CCDC102B: variants seen among roughly 807,000 people sequenced by gnomAD.
The protein encoded by CCDC102B is coiled-coil domain-containing protein 102B.
A neutral mutation model predicts 57.4 loss-of-function variants in CCDC102B; 75 were observed. The ratio of observed to expected loss-of-function variants is 1.31; its 90% CI spans 1.08 to 1.58. CCDC102B has a LOEUF of 1.58. Among genes scored for constraint, CCDC102B ranks in the 40% most tolerant of loss-of-function variants. The pLI is 0.00. For missense variants in CCDC102B, 636 were observed against 582.6 expected, an observed-to-expected ratio of 1.09 and a Z score of -0.94; for synonymous variants, 206 against 201.9, an observed-to-expected ratio of 1.02 and a Z score of -0.17.
chr18:68,976,241 TAA>T (rs1209329521), intron 6 of CCDC102B, among the ~76,000 whole-genome samples: 5 of 152,134 alleles, frequency 3.3e-5, no homozygotes, highest in Admixed American at 6.6e-5. Flanking sequence ...TCATAAATCT[TAA>T]GTGTCAATAT....
chr18:68,745,501 A>T (rs1363889572), intron 2 of CCDC102B, among the ~76,000 whole-genome samples: 2 of 152,146 alleles, frequency 1.3e-5, no homozygotes, highest in Non-Finnish European at 2.9e-5. Context: ...TATGAGATAC[A>T]TAGTGATGTT....
At chr18:68,767,289 T>G (rs1411491428) in intron 2 of CCDC102B, among the ~76,000 whole-genome samples, 1 of 152,196 alleles carries the variant, frequency 6.6e-6, no homozygotes, top group African/African-American at 2.4e-5. Flanking sequence ...TAATTAATCT[T>G]AAATGAAGTC....
chr18:68,861,038 G>C (rs1405207119), intron 4 of CCDC102B, among the ~76,000 whole-genome samples: 1 of 149,472 alleles, frequency 6.7e-6, no homozygotes, highest in African/African-American at 2.5e-5. Context: ...ACTATTAGCT[G>C]TCTGACTCTA....
chr18:69,039,328 A>G (rs1230287874), intron 7 of CCDC102B, among the ~76,000 whole-genome samples: 1 of 151,948 alleles, frequency 6.6e-6, no homozygotes, highest in Non-Finnish European at 1.5e-5. Context: ...CATTTTTTCC[A>G]AAGTTATTTT....
intron 6 of CCDC102B, 32 bp from the exon 7 acceptor site, chr18:69,010,902 T>C: frequency 2.6e-6 from 4 of 1,518,144 alleles, no homozygotes; most frequent in Non-Finnish European, 3.6e-6. Flanking sequence ...GAATAGACTA[T>C]AAATAATGTA....
At chr18:68,791,313 A>G (rs376483933) in intron 2 of CCDC102B, among the ~76,000 whole-genome samples, 2 of 152,216 alleles carry the variant, frequency 1.3e-5, no homozygotes, top group East Asian at 1.9e-4. Flanking sequence ...GCAATTTAAT[A>G]TAGTTCCTGA....
intron 6 of CCDC102B, among the ~76,000 whole-genome samples, chr18:68,976,889 T>C (rs1240622130): frequency 6.6e-6 from 1 of 152,022 alleles, no homozygotes; most frequent in African/African-American, 2.4e-5. Context: ...ATGATCCACA[T>C]GATTTGGATA....
chr18:68,970,597 A>G (rs2050275834), intron 6 of CCDC102B, among the ~76,000 whole-genome samples: 1 of 151,708 alleles, frequency 6.6e-6, no homozygotes, highest in African/African-American at 2.4e-5. Flanking sequence ...GGGGAGATTT[A>G]ACTTATTTCT....
chr18:68,854,526 G>A (rs907070807), intron 4 of CCDC102B, among the ~76,000 whole-genome samples: 4 of 151,998 alleles, frequency 2.6e-5, no homozygotes, highest in African/African-American at 9.7e-5. Context: ...ATCAATCTCA[G>A]CTCAGAAATA....
chr18:68,746,117 C>G (rs2033609581), intron 2 of CCDC102B, among the ~76,000 whole-genome samples: 1 of 152,162 alleles, frequency 6.6e-6, no homozygotes, highest in South Asian at 2.1e-4. Flanking sequence ...AAAACATATG[C>G]AACGCATGAC....
chr18:69,007,676 C>T (rs1201907747), intron 6 of CCDC102B, among the ~76,000 whole-genome samples: 1 of 152,198 alleles, frequency 6.6e-6, no homozygotes, highest in African/African-American at 2.4e-5. Context: ...GATGCCGTTG[C>T]TGCTGGCTTG....
chr18:68,927,014 A>G (rs1003367334), intron 6 of CCDC102B, among the ~76,000 whole-genome samples: 5 of 151,978 alleles, frequency 3.3e-5, no homozygotes, highest in Non-Finnish European at 7.4e-5. Context: ...CAAAGCCTAT[A>G]CGATAAATGA....
chr18:68,870,193 CA>C (rs1568301511), intron 4 of CCDC102B, among the ~76,000 whole-genome samples: 1 of 151,898 alleles, frequency 6.6e-6, no homozygotes, highest in African/African-American at 2.4e-5. Flanking sequence ...CGGAGCCTGT[CA>C]GGGGGTGGGT....
Position 68,838,818 on chromosome 18 carries a change from G to A in CCDC102B, c.719G>A (p.Gly240Glu). 1 of 1,613,932 alleles carries A rather than the reference G, an allele frequency of 6.2e-7. No individual in the cohort carries two copies. Among genetic ancestry groups the A allele is most frequent in the Non-Finnish European group, 8.5e-7 (1 of 1,179,926 alleles). The change falls in exon 3 of 8, where the codon GGG becomes GAG. Residue 240 changes from glycine to glutamate, a missense_variant. Gly to Glu is a moderately conservative substitution (Grantham distance 98). Transcript: ENST00000360242. ...TCTGGAAACGGTGAAACGAAAACTG[G>A]GCTGAGACTGAAAGCAATAAATCTG... ...GGSGNGETKT[G>E]LRLKAINLPL...
intron 5 of CCDC102B, among the ~76,000 whole-genome samples, chr18:68,883,537 CCTT>C (rs1262244549): frequency 6.6e-6 from 1 of 152,150 alleles, no homozygotes; most frequent in African/African-American, 2.4e-5. Flanking sequence ...TAGATCTCTC[CCTT>C]CTTCTCACAT....
chr18:68,896,258 G>T (rs1240958897), intron 5 of CCDC102B, among the ~76,000 whole-genome samples: 1 of 151,948 alleles, frequency 6.6e-6, no homozygotes, highest in Non-Finnish European at 1.5e-5. Context: ...TAATAAAACT[G>T]CAGAAAATAA....
chr18:68,850,784 G>A (rs2038086953), intron 4 of CCDC102B, among the ~76,000 whole-genome samples: 1 of 151,834 alleles, frequency 6.6e-6, no homozygotes. Context: ...ACTTCTTCCT[G>A]CTCAATGGCT....
chr18:68,778,490 G>T (rs1371129990), intron 2 of CCDC102B, among the ~76,000 whole-genome samples: 1 of 152,180 alleles, frequency 6.6e-6, no homozygotes, highest in Non-Finnish European at 1.5e-5. Context: ...AGATATTGCT[G>T]ATTCAGAGAT....
rs80260583 is a variant in CCDC102B, at chr18:68,774,389, T to C, written c.-66-48977T>C. Among the ~76,000 whole-genome samples, 163 of 152,128 alleles carry C rather than the reference T, an allele frequency of 1.1e-3. No homozygotes were observed. The East Asian group carries it at 0.025, about 23-fold the overall frequency. ...TTCAAAATCAGGACCAGGGTTTCTA[T>C]TAAACTCTTCAGTCTCACATCTGTA... On this transcript the variant is annotated intron_variant, in intron 2 of 3. Transcript: ENST00000578970.
Sources: gnomAD v4.1 joint callset for allele counts (sites outside exome capture counted in the v4.1 genomes callset) on GRCh38, gnomAD v4.1.1 for gene constraint, MANE v1.5 for transcripts, NCBI Gene and HGNC (gene_info 2026-07-23, HGNC 2026-07-21) for gene names.